Variants in HPSE2 observed in about 807,000 individuals in gnomAD.
The protein encoded by HPSE2 is heparanase 2 (inactive).
A neutral mutation model predicts 60.5 loss-of-function variants in HPSE2; 38 were observed. The observed-to-expected ratio is 0.63, with a 90% confidence interval of 0.48 to 0.82. The LOEUF (loss-of-function observed/expected upper bound fraction) is 0.82, where lower values mean the gene tolerates loss of function less well. Among genes scored for constraint, HPSE2 ranks in the 40% least tolerant of loss-of-function variants. HPSE2 has a pLI of 0.00. For synonymous variants in HPSE2, 295 were observed against 293.2 expected (o/e 1.01, Z -0.06); for missense variants, 713 against 740.4 (o/e 0.96, Z 0.43).
At chr10:98,898,043 A>G (rs1395299074) in intron 3 of HPSE2, among the ~76,000 whole-genome samples, 1 of 152,160 alleles carries the variant, frequency 6.6e-6, no homozygotes, top group African/African-American at 2.4e-5. Context: ...AAAGATATGA[A>G]CAGACACCGT....
intron 4 of HPSE2, among the ~76,000 whole-genome samples, chr10:98,726,069 T>C (rs1243504426): frequency 6.6e-6 from 1 of 152,154 alleles, no homozygotes; most frequent in African/African-American, 2.4e-5. Flanking sequence ...TTGTGGAAGT[T>C]GGTGTGGCAA....
chr10:99,048,074 A>T, intron 3 of HPSE2: 2 of 775,752 alleles, frequency 2.6e-6, no homozygotes, highest in Non-Finnish European at 4.4e-6. Flanking sequence ...GGGGTACCCA[A>T]ATATGAAGTC....
rs372466508 is a variant in HPSE2 at position 98,917,468 on chromosome 10, C to G, written c.611-173412G>C. ...GGAAATGATTCTGAAACAGATAATTCTGAAATCAATCCTGAAATAGGACTA... is the reference window on the plus strand; with the variant it reads ...GGAAATGATTCTGAAACAGATAATTGTGAAATCAATCCTGAAATAGGACTA... On this transcript the variant is annotated intron_variant, in intron 3 of 11. Coordinates refer to ENST00000370552, the MANE Select transcript of HPSE2 (RefSeq NM_021828.5). Among the ~76,000 whole-genome samples the G allele has an allele frequency of 4.2e-4, 64 of 152,246 alleles. 4 individuals are homozygous for G. The highest frequency in any genetic ancestry group is 2.7e-3 in the East Asian group (14 of 5,178).
chr10:99,088,027 C>T (rs187811605), intron 3 of HPSE2, among the ~76,000 whole-genome samples: 27 of 151,340 alleles, frequency 1.8e-4, no homozygotes, highest in Non-Finnish European at 3.4e-4. Context: ...CCTCTCCAGC[C>T]ACACTGGGCT....
At chr10:98,473,367 C>A (rs1278922273) in intron 11 of HPSE2, among the ~76,000 whole-genome samples, 6 of 151,614 alleles carry the variant, frequency 4.0e-5, no homozygotes, top group Non-Finnish European at 7.4e-5. Context: ...CACCTGTAGT[C>A]CCAGCTACTC....
chr10:98,720,650 T>G (rs1445918987), intron 5 of HPSE2, among the ~76,000 whole-genome samples: 1 of 152,116 alleles, frequency 6.6e-6, no homozygotes, highest in Non-Finnish European at 1.5e-5. Context: ...TCAAAAGAAA[T>G]AAATAACCGA....
intron 2 of HPSE2, among the ~76,000 whole-genome samples, chr10:99,176,763 C>T (rs1258110914): frequency 6.6e-6 from 1 of 151,970 alleles, no homozygotes; most frequent in African/African-American, 2.4e-5. Context: ...TGAGGAAATA[C>T]AGAGAACACC....
At position 98,596,872 on chromosome 10, in the gene HPSE2, C is replaced by T. The variant is rs113829317; in HGVS notation, c.1320+18032G>A. On this transcript the variant is annotated intron_variant, in intron 9 of 11. Transcript: ENST00000370552. The stretch of plus-strand genomic sequence containing the variant: ...AATCTGACTGGAGACTGTATTAATT[C>T]GTTCTCATACTGTTAATAAAGACAT... 4.3e-3 allele frequency among the ~76,000 whole-genome samples: 659 copies of T among 152,036 alleles called. 3 individuals carry two copies. Among genetic ancestry groups the T allele is most frequent in the African/African-American group, 0.015 (631 of 41,448 alleles).
At chr10:99,313,732 T>C in the HPSE2 span, among the ~76,000 whole-genome samples, 1 of 150,724 alleles carries the variant, frequency 6.6e-6, no homozygotes, top group East Asian at 2.0e-4. Context: ...CCTGAGTAGC[T>C]GGGACTACAG....
intron 3 of HPSE2, among the ~76,000 whole-genome samples, chr10:99,068,568 C>G (rs919758643): frequency 2.6e-5 from 4 of 152,134 alleles, no homozygotes; most frequent in African/African-American, 7.2e-5. Flanking sequence ...CCACCTGGCC[C>G]CACATGTGGA....
intron 9 of HPSE2, among the ~76,000 whole-genome samples, chr10:98,534,859 A>G (rs1041967837): frequency 6.6e-6 from 1 of 152,236 alleles, no homozygotes; most frequent in African/African-American, 2.4e-5. Context: ...TTTTCAGCAA[A>G]GGCAACATCA....
rs565974287 is a variant in HPSE2 at position 99,001,714 on chromosome 10, C to A, written c.610+142524G>T. Among the ~76,000 whole-genome samples the A allele has an allele frequency of 7.2e-4, 110 of 152,066 alleles. 1 individual carries two copies. The highest frequency in any genetic ancestry group is 2.5e-3 in the African/African-American group (102 of 41,508). ...TGAATGTTCAGTAAAGGCTTGTTGACGGTACACACCATTGATGATTATACT... is the reference window on the plus strand; with the variant it reads ...TGAATGTTCAGTAAAGGCTTGTTGAAGGTACACACCATTGATGATTATACT... On this transcript the variant is annotated intron_variant, in intron 3 of 11. Coordinates refer to ENST00000370552, the MANE Select transcript of HPSE2 (RefSeq NM_021828.5).
chr10:98,544,712 C>CAAAAAAAAAA (rs58604325), intron 9 of HPSE2, among the ~76,000 whole-genome samples: 1 of 71,022 alleles, frequency 1.4e-5, no homozygotes, highest in African/African-American at 6.0e-5. Context: ...GACTCCGTCT[C>CAAAAAAAAAA]AAAAAAAAAA....
chr10:98,953,850 C>T (rs1201557061), intron 3 of HPSE2, among the ~76,000 whole-genome samples: 1 of 152,162 alleles, frequency 6.6e-6, no homozygotes, highest in Admixed American at 6.5e-5. Context: ...TAAGCCTCAG[C>T]TTCTTCATCT....
At position 98,531,677 on chromosome 10, in the gene HPSE2, T is replaced by C. The variant is rs78062479; in HGVS notation, c.1321-41481A>G. On this transcript the variant is annotated intron_variant, in intron 9 of 11. Transcript: ENST00000370552. ...TCATCTTTCCCACATGTCAGCCTTA[T>C]CAGGCATGTGGGCTTTTTCTTTTTT... is the stretch of plus-strand genomic sequence containing the variant. 9.0e-3 allele frequency among the ~76,000 whole-genome samples: 1,368 copies of C among 152,318 alleles called. 14 individuals are homozygous for C. Among genetic ancestry groups the C allele is most frequent in the African/African-American group, 0.031 (1,300 of 41,568 alleles).
chr10:99,149,882 G>A (rs1478739010), intron 2 of HPSE2, among the ~76,000 whole-genome samples: 1 of 150,076 alleles, frequency 6.7e-6, no homozygotes, highest in Non-Finnish European at 1.5e-5. Flanking sequence ...TTTTCTCCTG[G>A]TACACCAAAC....
At chr10:98,529,992 G>C (rs1943081987) in intron 9 of HPSE2, among the ~76,000 whole-genome samples, 1 of 152,214 alleles carries the variant, frequency 6.6e-6, no homozygotes, top group Admixed American at 6.5e-5. Context: ...CTCTGTGATA[G>C]AGCACCTAGA....
intron 6 of HPSE2, among the ~76,000 whole-genome samples, chr10:98,688,789 C>T (rs1947996332): frequency 6.6e-6 from 1 of 151,752 alleles, no homozygotes; most frequent in African/African-American, 2.4e-5. Flanking sequence ...TTTAGTATTT[C>T]TTGCGACACA....
chr10:98,685,489 C>G (rs1350999276), intron 6 of HPSE2, among the ~76,000 whole-genome samples: 1 of 152,142 alleles, frequency 6.6e-6, no homozygotes, highest in Non-Finnish European at 1.5e-5. Context: ...TCCAAAACCT[C>G]ACATAACTGA....
Sources: gnomAD v4.1 joint callset for allele counts (sites outside exome capture counted in the v4.1 genomes callset) on GRCh38, gnomAD v4.1.1 for gene constraint, MANE v1.5 for transcripts, NCBI Gene and HGNC (gene_info 2026-07-23, HGNC 2026-07-21) for gene names.